GLRA2: variants seen among roughly 807,000 people sequenced by gnomAD.
GLRA2 encodes the protein glycine receptor subunit alpha-2.
Under a neutral mutation model 31.6 loss-of-function variants are expected in GLRA2, and 11 were observed. The ratio of observed to expected loss-of-function variants is 0.35; its 90% CI spans 0.22 to 0.58. The LOEUF (loss-of-function observed/expected upper bound fraction) is 0.58. GLRA2 is among the 20% of genes least tolerant of loss of function. GLRA2 has a pLI of 0.84. For synonymous variants in GLRA2, 132 were observed against 134.0 expected, an observed-to-expected ratio of 0.99 and a Z score of 0.10; for missense variants, 212 against 351.8, an observed-to-expected ratio of 0.60 and a Z score of 3.18.
the GLRA2 span, among the ~76,000 whole-genome samples, chrX:14,460,829 T>G: frequency 5.4e-5 from 6 of 111,425 alleles, no homozygotes; most frequent in South Asian, 2.3e-3. Context: ...ATTGATTTTT[T>G]TTGAAGGGTT....
intron 7 of GLRA2, among the ~76,000 whole-genome samples, chrX:14,652,528 C>A (rs757947190): frequency 8.9e-6 from 1 of 111,859 alleles, no homozygotes; most frequent in African/African-American, 3.2e-5. Flanking sequence ...CACTTTTTCT[C>A]TGTGTCATAT....
chrX:14,468,212 A>T, the GLRA2 span, among the ~76,000 whole-genome samples: 1 of 112,278 alleles, frequency 8.9e-6, no homozygotes, highest in Non-Finnish European at 1.9e-5. Flanking sequence ...GAATATTTGC[A>T]TTTCAATGCC....
At chrX:14,486,787 A>G in the GLRA2 span, among the ~76,000 whole-genome samples, 7 of 112,211 alleles carry the variant, frequency 6.2e-5, no homozygotes, top group African/African-American at 1.9e-4. Context: ...ACATTACCCT[A>G]TAAAGTAAAA....
chrX:14,477,882 G>A, the GLRA2 span, among the ~76,000 whole-genome samples: 2 of 110,822 alleles, frequency 1.8e-5, no homozygotes, highest in African/African-American at 6.6e-5. Flanking sequence ...ATGTGGCCTA[G>A]GCTTCCCATG....
At chrX:14,574,133 G>T (rs1193251681) in intron 2 of GLRA2, among the ~76,000 whole-genome samples, 200 bp from the exon 3 acceptor site, 3 of 111,686 alleles carry the variant, frequency 2.7e-5, no homozygotes, top group African/African-American at 9.8e-5. Context: ...AACTCTTCAG[G>T]GTAAGTTGCC....
chrX:14,677,053 G>A (rs1472402010), intron 7 of GLRA2, among the ~76,000 whole-genome samples: 2 of 111,357 alleles, frequency 1.8e-5, no homozygotes, highest in Non-Finnish European at 3.8e-5. Flanking sequence ...CTACTTTCCC[G>A]CCAGATATAT....
chrX:14,488,971 T>C, the GLRA2 span, among the ~76,000 whole-genome samples: 15 of 111,873 alleles, frequency 1.3e-4, no homozygotes, highest in Non-Finnish European at 2.6e-4. Context: ...GTTTCAAGCC[T>C]GTGTATTGTG....
the GLRA2 span, among the ~76,000 whole-genome samples, chrX:14,453,053 C>T: frequency 7.2e-5 from 8 of 111,339 alleles, no homozygotes; most frequent in South Asian, 1.5e-3. Context: ...AATAAGTCAT[C>T]GTAGCAGGTT....
chrX:14,640,371 TA>T (rs1376601286), intron 7 of GLRA2, among the ~76,000 whole-genome samples: 1 of 111,349 alleles, frequency 9.0e-6, no homozygotes, highest in Non-Finnish European at 1.9e-5. Flanking sequence ...GAAAAGAAAA[TA>T]AAAAAGAGCT....
chrX:14,610,952 A>G lies in GLRA2; in HGVS notation c.930+1747A>G, dbSNP rs374312193. Among the ~76,000 whole-genome samples, 12 of 112,436 alleles carry G rather than the reference A, an allele frequency of 1.1e-4. No individual in the cohort carries two copies. In the East Asian group the frequency reaches 2.0e-3, roughly 18 times the overall value. On this transcript the variant is annotated intron_variant, in intron 7 of 8. Coordinates refer to ENST00000218075, the MANE Select transcript of GLRA2 (RefSeq NM_002063.4). ...ATGAGGAACTCAGATAAACCAAAAG[A>G]GAGTAAAATCAAAAATCATTTTACA... is the stretch of plus-strand genomic sequence containing the variant.
At chrX:14,458,792 A>T in the GLRA2 span, among the ~76,000 whole-genome samples, 719 of 111,354 alleles carry the variant, frequency 6.5e-3, 6 homozygotes, top group African/African-American at 0.023. Context: ...AGATGAGTAG[A>T]TTGCAAAAAT....
chrX:14,572,426 A>C (rs989243150), intron 2 of GLRA2, among the ~76,000 whole-genome samples: 4 of 112,441 alleles, frequency 3.6e-5, no homozygotes, highest in Non-Finnish European at 1.9e-5. Flanking sequence ...TGTGGAGAGA[A>C]AGGGAAAAAG....
chrX:14,538,194 C>T (rs2089351793), intron 2 of GLRA2, among the ~76,000 whole-genome samples: 1 of 110,359 alleles, frequency 9.1e-6, no homozygotes, highest in Admixed American at 9.6e-5. Flanking sequence ...TCTAGAAGAC[C>T]TAGGTTCAAG....
chrX:14,649,883 C>T (rs2090870790), intron 7 of GLRA2, among the ~76,000 whole-genome samples: 1 of 111,806 alleles, frequency 8.9e-6, no homozygotes, highest in Non-Finnish European at 1.9e-5. Context: ...TAAAACACTT[C>T]ATTGTTCTGA....
chrX:14,691,747 A>G (rs2091365337), intron 8 of GLRA2, among the ~76,000 whole-genome samples: 2 of 111,942 alleles, frequency 1.8e-5, no homozygotes, highest in Admixed American at 9.5e-5. Context: ...AGAGGCTATC[A>G]AAAGGCTTGC....
At chrX:14,638,379 C>T (rs1218531859) in intron 7 of GLRA2, among the ~76,000 whole-genome samples, 1 of 111,448 alleles carries the variant, frequency 9.0e-6, no homozygotes, top group East Asian at 2.8e-4. Context: ...TCATGATCTT[C>T]TTTATTATTT....
chrX:14,591,524 G>T (rs1315064555), intron 4 of GLRA2, among the ~76,000 whole-genome samples: 1 of 111,803 alleles, frequency 8.9e-6, no homozygotes, highest in Non-Finnish European at 1.9e-5. Context: ...CAGCAAGTTG[G>T]CTCTTCCATC....
the GLRA2 span, among the ~76,000 whole-genome samples, chrX:14,505,785 G>T: frequency 9.0e-6 from 1 of 111,559 alleles, no homozygotes; most frequent in Non-Finnish European, 1.9e-5. Flanking sequence ...AAGCAGAGTT[G>T]CTGGGTTGAA....
chrX:14,458,377 G>C, the GLRA2 span, among the ~76,000 whole-genome samples: 1 of 111,710 alleles, frequency 9.0e-6, no homozygotes. Context: ...AGTCCTTTGG[G>C]TATATACCCA....
Sources: allele counts gnomAD v4.1 joint callset (sites outside exome capture counted in the v4.1 genomes callset), GRCh38; gene constraint gnomAD v4.1.1; transcripts MANE v1.5; gene names NCBI Gene and HGNC (gene_info 2026-07-23, HGNC 2026-07-21).